The following SPIDR variants were observed in gnomAD, a reference collection of about 807,000 sequenced individuals.
SPIDR encodes scaffold protein involved in DNA repair, also known as DNA repair-scaffolding protein.
In SPIDR, 93 loss-of-function variants were observed where a neutral mutation model predicts 104.6. The observed-to-expected ratio is 0.89, with a 90% confidence interval of 0.75 to 1.06. SPIDR has a LOEUF of 1.06. Among genes scored for constraint, SPIDR ranks in the 50% least tolerant of loss-of-function variants. The pLI, the probability that SPIDR is intolerant of heterozygous loss-of-function variation, is 0.00. For missense variants in SPIDR, 1,154 were observed against 1,111.2 expected, an observed-to-expected ratio of 1.04 and a Z score of -0.55; for synonymous variants, 431 against 416.9, an observed-to-expected ratio of 1.03 and a Z score of -0.41.
intron 3 of SPIDR, 38 bp from the exon 4 acceptor site, chr8:47,290,995 A>G (rs2039816557): frequency 4.7e-6 from 7 of 1,490,250 alleles, no homozygotes; most frequent in East Asian, 2.3e-5. Context: ...TGACCATATA[A>G]GGAGATCATA....
At chr8:47,573,443 T>C (rs1340877581) in intron 8 of SPIDR, among the ~76,000 whole-genome samples, 2 of 152,206 alleles carry the variant, frequency 1.3e-5, no homozygotes, top group African/African-American at 4.8e-5. Flanking sequence ...GGGTCTGTCA[T>C]GAGCGCAGTA....
intron 8 of SPIDR, among the ~76,000 whole-genome samples, chr8:47,454,289 A>G (rs2072502193): frequency 6.6e-6 from 1 of 152,232 alleles, no homozygotes; most frequent in Admixed American, 6.5e-5. Context: ...ATGGAATACC[A>G]TGCAGCCATA....
At chr8:47,695,576 G>A (rs917546241) in intron 11 of SPIDR, among the ~76,000 whole-genome samples, 2 of 152,180 alleles carry the variant, frequency 1.3e-5, no homozygotes, top group Non-Finnish European at 2.9e-5. Context: ...GAGTTAGTTG[G>A]ATGAGACAGT....
At chr8:47,310,637 A>C (rs2043974117) in intron 5 of SPIDR, among the ~76,000 whole-genome samples, 1 of 152,172 alleles carries the variant, frequency 6.6e-6, no homozygotes, top group African/African-American at 2.4e-5. Context: ...TTGGTTGTGT[A>C]GGTGACGGAA....
intron 5 of SPIDR, among the ~76,000 whole-genome samples, chr8:47,392,391 A>G (rs1432313846): frequency 1.3e-5 from 2 of 152,096 alleles, no homozygotes; most frequent in Admixed American, 1.3e-4. Flanking sequence ...TTTGCTTTGT[A>G]TTTTTAGTTT....
chr8:47,286,322 A>G (rs1292517046), intron 3 of SPIDR, among the ~76,000 whole-genome samples: 1 of 152,222 alleles, frequency 6.6e-6, no homozygotes, highest in Non-Finnish European at 1.5e-5. Flanking sequence ...ACATTTGGGA[A>G]GTCCTTTCCA....
chr8:47,392,623 G>A (rs1383442449), intron 5 of SPIDR, among the ~76,000 whole-genome samples: 1 of 152,212 alleles, frequency 6.6e-6, no homozygotes, highest in Non-Finnish European at 1.5e-5. Context: ...TACTACCTGA[G>A]CTGCTAAGTC....
chr8:47,732,083 C>G, intron 19 of SPIDR: 1 of 699,892 alleles, frequency 1.4e-6, no homozygotes, highest in Non-Finnish European at 2.6e-6. Flanking sequence ...AAGTCTCCAG[C>G]AATGGACAGT....
intron 10 of SPIDR, among the ~76,000 whole-genome samples, chr8:47,620,273 C>CT (rs61006472): frequency 4.8e-4 from 40 of 82,824 alleles, no homozygotes; most frequent in Non-Finnish European, 5.7e-4. Flanking sequence ...CCATTTAAAC[C>CT]TTTTTTTTTT....
At chr8:47,548,413 C>G (rs575004743) in intron 8 of SPIDR, among the ~76,000 whole-genome samples, 1 of 152,274 alleles carries the variant, frequency 6.6e-6, no homozygotes, top group South Asian at 2.1e-4. Context: ...TTTGGGAGGC[C>G]GAGGCTGGTG....
chr8:47,702,698 G>A (rs1240356647), intron 14 of SPIDR, among the ~76,000 whole-genome samples: 2 of 152,126 alleles, frequency 1.3e-5, no homozygotes, highest in Non-Finnish European at 2.9e-5. Context: ...ACCCAAGAGG[G>A]ATTGAGAACA....
chr8:47,298,066 T>G (rs2041237774), intron 5 of SPIDR, among the ~76,000 whole-genome samples: 1 of 152,178 alleles, frequency 6.6e-6, no homozygotes, highest in Non-Finnish European at 1.5e-5. Flanking sequence ...TAGTTTACAC[T>G]CCCACCAACA....
chr8:47,724,550 T>C (rs1738925120), intron 16 of SPIDR, among the ~76,000 whole-genome samples: 1 of 152,256 alleles, frequency 6.6e-6, no homozygotes. Flanking sequence ...GTCCGCTGCA[T>C]GGCTCCAAGG....
chr8:47,493,337 G>C (rs977381037), intron 8 of SPIDR, among the ~76,000 whole-genome samples: 1 of 151,996 alleles, frequency 6.6e-6, no homozygotes, highest in East Asian at 1.9e-4. Flanking sequence ...GAAACCCAGA[G>C]TTAATGCCAC....
intron 8 of SPIDR, among the ~76,000 whole-genome samples, chr8:47,554,168 G>C (rs985834145): frequency 6.6e-6 from 1 of 152,180 alleles, no homozygotes; most frequent in African/African-American, 2.4e-5. Flanking sequence ...CCTACTGGGA[G>C]GTGTCTCCCA....
chr8:47,657,838 T>C (rs2154460621), intron 10 of SPIDR, among the ~76,000 whole-genome samples: 1 of 152,040 alleles, frequency 6.6e-6, no homozygotes, highest in East Asian at 1.9e-4. Flanking sequence ...CAGACCAGCC[T>C]GAGCAATATA....
intron 19 of SPIDR, among the ~76,000 whole-genome samples, chr8:47,730,088 T>TA (rs1326701177): frequency 6.6e-6 from 1 of 152,090 alleles, no homozygotes; most frequent in Non-Finnish European, 1.5e-5. Context: ...GTCATGTTAA[T>TA]AGGATGGAAT....
At chr8:47,288,656 CAGTTT>C (rs2039330659) in intron 3 of SPIDR, among the ~76,000 whole-genome samples, 1 of 152,166 alleles carries the variant, frequency 6.6e-6, no homozygotes, top group African/African-American at 2.4e-5. Context: ...TGCAAGTACT[CAGTTT>C]ATTTTATTAG....
intron 5 of SPIDR, among the ~76,000 whole-genome samples, chr8:47,302,254 G>T (rs1402743735): frequency 2.6e-5 from 4 of 151,960 alleles, no homozygotes; most frequent in Non-Finnish European, 4.4e-5. Context: ...TGAGGCTTGT[G>T]CATTCGTCAC....
Sources: allele counts gnomAD v4.1 joint callset (sites outside exome capture counted in the v4.1 genomes callset), GRCh38; gene constraint gnomAD v4.1.1; transcripts MANE v1.5; gene names NCBI Gene and HGNC (gene_info 2026-07-23, HGNC 2026-07-21).